CCDC15: variants seen among roughly 807,000 people sequenced by gnomAD.
CCDC15 encodes the protein coiled-coil domain containing 15, also known as coiled-coil domain-containing protein 15.
A neutral mutation model predicts 114.5 loss-of-function variants in CCDC15; 105 were observed. The ratio of observed to expected loss-of-function variants is 0.92; its 90% CI spans 0.78 to 1.08. The LOEUF is 1.08. Ranked by LOEUF, CCDC15 falls within the 50% of genes least tolerant of loss-of-function variation. CCDC15 has a pLI of 0.00. For synonymous variants in CCDC15, 334 were observed against 377.8 expected (o/e 0.88, Z 1.34); for missense variants, 1,105 against 1,093.6 (o/e 1.01, Z -0.15).
At chr11:125,009,480 G>T (rs1017182753) in intron 13 of CCDC15, among the ~76,000 whole-genome samples, 1 of 152,226 alleles carries the variant, frequency 6.6e-6, no homozygotes, top group South Asian at 2.1e-4. Flanking sequence ...AGTCTTTGGG[G>T]TCTTTTTGGT....
Position 124,987,900 on chromosome 11 carries a change from G to A in CCDC15, c.1674G>A (p.Gln558=). Residue 558 remains glutamine, a synonymous_variant, in exon 8 of 16, where the codon CAG becomes CAA. Coordinates refer to ENST00000344762, the MANE Select transcript of CCDC15 (RefSeq NM_025004.3). ...ACTGGAATATTCTACCCAAATGTCAGGACCAGGATTTTCTACCCAGAGACC... is the reference window on the plus strand; with the variant it reads ...ACTGGAATATTCTACCCAAATGTCAAGACCAGGATTTTCTACCCAGAGACC... ...PKDWNILPKC[Q]DQDFLPRDQG... The A allele has an allele frequency of 6.2e-7, 1 of 1,613,792 alleles. No individual in the cohort carries two copies.
intron 4 of CCDC15, among the ~76,000 whole-genome samples, chr11:124,965,557 G>A (rs570349488): frequency 5.3e-5 from 8 of 151,902 alleles, no homozygotes; most frequent in South Asian, 2.1e-4. Context: ...TCTTGCTAGC[G>A]GTCTATCAAT....
At chr11:124,971,023 C>T (rs1161280093) in intron 4 of CCDC15, among the ~76,000 whole-genome samples, 2 of 152,166 alleles carry the variant, frequency 1.3e-5, no homozygotes, top group Non-Finnish European at 2.9e-5. Flanking sequence ...TATTACTACA[C>T]AACCCTTGCT....
chr11:124,963,603 T>C (rs1947713699), intron 4 of CCDC15, among the ~76,000 whole-genome samples: 1 of 152,230 alleles, frequency 6.6e-6, no homozygotes, highest in African/African-American at 2.4e-5. Flanking sequence ...GCCTGTTCAC[T>C]CTGATGGTAG....
intron 13 of CCDC15, among the ~76,000 whole-genome samples, chr11:125,035,881 C>T (rs541516410): frequency 6.8e-6 from 1 of 147,906 alleles, no homozygotes; most frequent in East Asian, 1.9e-4. Flanking sequence ...TACACTTTAA[C>T]ATCATGCCCC....
chr11:124,995,512 T>C (rs898238923), intron 11 of CCDC15, among the ~76,000 whole-genome samples: 9 of 152,188 alleles, frequency 5.9e-5, no homozygotes, highest in African/African-American at 2.2e-4. Context: ...AGGTTTTGAA[T>C]GTGTTAGTTG....
Position 124,977,624 on chromosome 11 carries a change from G to C in CCDC15, c.753+24G>C. The C allele has an allele frequency of 1.9e-6, 3 of 1,592,326 alleles. 1 individual carries two copies. In the South Asian group the frequency reaches 3.5e-5, roughly 18 times the overall value. ...AGGTAGGGAAATATAAAAAGTAGAG[G>C]GGAAAGACATTGGCTTATTAGAAGT... On this transcript the variant is annotated intron_variant, in intron 6 of 15. Coordinates refer to ENST00000344762, the MANE Select transcript of CCDC15 (RefSeq NM_025004.3).
chr11:124,984,096 C>A (rs1458853882), intron 6 of CCDC15, among the ~76,000 whole-genome samples: 4 of 151,768 alleles, frequency 2.6e-5, no homozygotes, highest in Non-Finnish European at 4.4e-5. Flanking sequence ...AGGGTGCGCT[C>A]ACATTGGCAG....
intron 11 of CCDC15, among the ~76,000 whole-genome samples, chr11:124,995,469 C>G (rs1312237969): frequency 6.6e-6 from 1 of 152,168 alleles, no homozygotes; most frequent in Non-Finnish European, 1.5e-5. Flanking sequence ...GCACTTGGCA[C>G]AGTGGCTAGT....
Position 125,040,867 on chromosome 11 carries a change from G to A in CCDC15, c.*156G>A. 2 of 699,028 alleles carry A rather than the reference G, an allele frequency of 2.9e-6. No individual in the cohort carries two copies. Among genetic ancestry groups the A allele is most frequent in the South Asian group, 2.1e-5 (1 of 48,210 alleles). 43.3% of individuals were successfully genotyped at this position (699,028 alleles called of 1,614,324 possible). Reference sequence around the variant, plus strand: ...GATTGTAATCATTGTTTTAATCTCTGTCTGGGAACCAAGATTGAAAGCTGA... The same window carrying A: ...GATTGTAATCATTGTTTTAATCTCTATCTGGGAACCAAGATTGAAAGCTGA... On this transcript the variant is annotated 3_prime_UTR_variant, in exon 16 of 16. Transcript: ENST00000344762.
chr11:125,028,862 G>A (rs540071193), intron 13 of CCDC15, among the ~76,000 whole-genome samples: 27 of 152,112 alleles, frequency 1.8e-4, no homozygotes, highest in Admixed American at 8.5e-4. Flanking sequence ...TGTTAGTCAG[G>A]GTTCTCTAGA....
At chr11:125,005,480 T>C (rs1948544771) in intron 13 of CCDC15, among the ~76,000 whole-genome samples, 1 of 152,086 alleles carries the variant, frequency 6.6e-6, no homozygotes, top group Admixed American at 6.5e-5. Flanking sequence ...GCCCCACAAA[T>C]GCGTAGCCTC....
intron 10 of CCDC15, 33 bp downstream of exon 10, chr11:124,992,720 C>T: frequency 8.5e-7 from 1 of 1,181,246 alleles, no homozygotes; most frequent in Non-Finnish European, 1.2e-6. Context: ...GACTGTATAC[C>T]TTCTAAAAGG....
intron 4 of CCDC15, among the ~76,000 whole-genome samples, chr11:124,974,195 G>A (rs773161750): frequency 2.6e-5 from 4 of 151,908 alleles, no homozygotes; most frequent in East Asian, 1.9e-4. Flanking sequence ...GGCTAGTCTC[G>A]GTCTCGAACT....
At chr11:124,958,728 C>T (rs1193410045) in intron 2 of CCDC15, among the ~76,000 whole-genome samples, 2 of 151,936 alleles carry the variant, frequency 1.3e-5, no homozygotes, top group African/African-American at 4.8e-5. Context: ...GTTGTGAAAA[C>T]TGAATAGGCC....
At chr11:124,968,468 CG>C (rs1947822771) in intron 4 of CCDC15, among the ~76,000 whole-genome samples, 1 of 152,092 alleles carries the variant, frequency 6.6e-6, no homozygotes, top group Admixed American at 6.5e-5. Context: ...AAGCCAGGTG[CG>C]GGGTATAATC....
At chr11:124,996,864 A>T (rs1474412512) in intron 11 of CCDC15, among the ~76,000 whole-genome samples, 1 of 152,176 alleles carries the variant, frequency 6.6e-6, no homozygotes, top group East Asian at 1.9e-4. Context: ...TATAGGAGTT[A>T]CTTCCTTTTT....
intron 4 of CCDC15, among the ~76,000 whole-genome samples, chr11:124,967,646 G>A (rs976314007): frequency 3.3e-4 from 51 of 152,314 alleles, no homozygotes; most frequent in African/African-American, 9.9e-4. Flanking sequence ...ACTAGTCAAA[G>A]TCATTCTCCA....
chr11:125,025,588 T>C (rs1948696584), intron 13 of CCDC15, among the ~76,000 whole-genome samples: 1 of 152,058 alleles, frequency 6.6e-6, no homozygotes, highest in Non-Finnish European at 1.5e-5. Flanking sequence ...AACTATATTT[T>C]CAGTGTCACT....
Sources: allele counts gnomAD v4.1 joint callset (sites outside exome capture counted in the v4.1 genomes callset), GRCh38; gene constraint gnomAD v4.1.1; transcripts MANE v1.5; gene names NCBI Gene and HGNC (gene_info 2026-07-23, HGNC 2026-07-21).